The following RUVBL1 variants were observed in gnomAD, a reference collection of about 807,000 sequenced individuals.
RUVBL1 encodes the protein ruvB-like 1.
A neutral mutation model predicts 52.4 loss-of-function variants in RUVBL1; 4 were observed. The ratio of observed to expected loss-of-function variants is 0.08; its 90% CI spans 0.04 to 0.17. The LOEUF is 0.17. RUVBL1 is among the 10% of genes least tolerant of loss of function. The pLI is 1.00. For synonymous variants in RUVBL1, 217 were observed against 214.4 expected, an observed-to-expected ratio of 1.01 and a Z score of -0.10; for missense variants, 298 against 572.8, an observed-to-expected ratio of 0.52 and a Z score of 4.90.
intron 9 of RUVBL1, chr3:128,069,419 C>T (rs969228327): frequency 1.3e-5 from 20 of 1,541,826 alleles, no homozygotes; most frequent in Admixed American, 5.4e-5. Flanking sequence ...CTGTTGGCCG[C>T]CTGGCTCACG....
Position 128,136,642 on chromosome 3 carries a change from A to G in RUVBL1, c.-40+16561T>C, listed in dbSNP as rs1271933822. Among the ~76,000 whole-genome samples, 6 of 144,758 alleles carry G rather than the reference A, an allele frequency of 4.1e-5. No homozygotes were observed. In the Admixed American group the frequency reaches 4.2e-4, roughly 10 times the overall value. 95.0% of individuals were successfully genotyped at this position (144,758 alleles called of 152,430 possible). On this transcript the variant is annotated intron_variant, in intron 1 of 9. Transcript: ENST00000464873. Reference sequence around the variant, plus strand: ...CCCTGTCAAAAAAAAAAAAAAAAACAATGATCTATTGCCTATAAGAAACAT... The same window carrying G: ...CCCTGTCAAAAAAAAAAAAAAAAACGATGATCTATTGCCTATAAGAAACAT...
chr3:128,149,816 A>G (rs1193452703), intron 1 of RUVBL1, among the ~76,000 whole-genome samples: 1 of 152,154 alleles, frequency 6.6e-6, no homozygotes, highest in African/African-American at 2.4e-5. Flanking sequence ...AGCATTGGTG[A>G]GATTCTGTTT....
At chr3:128,115,364 A>C (rs1559825157) in intron 2 of RUVBL1, among the ~76,000 whole-genome samples, 2 of 152,214 alleles carry the variant, frequency 1.3e-5, no homozygotes, top group South Asian at 4.1e-4. Context: ...TCTCATCTGA[A>C]TATCTCCTTC....
At chr3:128,141,230 A>G (rs575859368) in intron 1 of RUVBL1, among the ~76,000 whole-genome samples, 180 of 152,344 alleles carry the variant, frequency 1.2e-3, no homozygotes, top group African/African-American at 4.1e-3. Context: ...GACATAAACC[A>G]AGGTTCGTCT....
chr3:128,145,482 T>G (rs944070304), intron 1 of RUVBL1, among the ~76,000 whole-genome samples: 6 of 152,176 alleles, frequency 3.9e-5, no homozygotes, highest in African/African-American at 1.4e-4. Context: ...AGGTAGCCAA[T>G]CCAGCCCCCA....
chr3:128,138,922 A>G (rs1160859521), intron 1 of RUVBL1, among the ~76,000 whole-genome samples: 1 of 152,182 alleles, frequency 6.6e-6, no homozygotes, highest in African/African-American at 2.4e-5. Context: ...CAATGAACTC[A>G]TTAGACAAAG....
At chr3:128,141,384 G>T (rs1944019111) in intron 1 of RUVBL1, among the ~76,000 whole-genome samples, 1 of 152,264 alleles carries the variant, frequency 6.6e-6, no homozygotes, top group Admixed American at 6.5e-5. Flanking sequence ...ACACTCACAG[G>T]ATTATTAAGA....
intron 8 of RUVBL1, among the ~76,000 whole-genome samples, chr3:128,093,568 A>G (rs1188765373): frequency 1.3e-5 from 2 of 151,848 alleles, no homozygotes; most frequent in African/African-American, 4.8e-5. Flanking sequence ...TTAAGTCTTG[A>G]TGTTTTGGTG....
At chr3:128,066,926 G>A (rs1941999292) in intron 9 of RUVBL1, 10 of 1,612,558 alleles carry the variant, frequency 6.2e-6, no homozygotes. Context: ...AGGCAGTGAA[G>A]GGGATTTGGT....
chr3:128,073,910 T>TA (rs1319064282), intron 9 of RUVBL1, among the ~76,000 whole-genome samples: 1 of 152,194 alleles, frequency 6.6e-6, no homozygotes, highest in East Asian at 1.9e-4. Context: ...AGGACATTCT[T>TA]TATATGTTGA....
intron 1 of RUVBL1, 21 bp from the exon 2 acceptor site, chr3:128,119,435 AAAT>A (rs2107715110): frequency 6.3e-7 from 1 of 1,582,064 alleles, no homozygotes; most frequent in South Asian, 1.1e-5. Flanking sequence ...CAATGGAAAG[AAAT>A]AATAAATCAA....
At chr3:128,092,475 A>T (rs1382437697) in intron 8 of RUVBL1, among the ~76,000 whole-genome samples, 1 of 152,122 alleles carries the variant, frequency 6.6e-6, no homozygotes, top group Admixed American at 6.6e-5. Context: ...TAGTATCCAG[A>T]ATATATAAAG....
At chr3:128,125,127 G>A (rs982676482), upstream of RUVBL1, among the ~76,000 whole-genome samples, 12 of 142,212 alleles carry the variant, frequency 8.4e-5, no homozygotes, top group African/African-American at 3.1e-4. Context: ...CCATTCTCCT[G>A]CCTCAGCCTC....
chr3:128,123,890 C>T (rs1177811472), upstream of RUVBL1: 3 of 1,264,646 alleles, frequency 2.4e-6, no homozygotes, highest in Non-Finnish European at 3.0e-6. Flanking sequence ...CATAGGCTCA[C>T]GGCTGCGCCC....
At position 128,096,751 on chromosome 3, in the gene RUVBL1, C is replaced by T. The variant is rs190117755; in HGVS notation, c.1016+549G>A. Among the ~76,000 whole-genome samples, 307 of 151,882 alleles carry T rather than the reference C, an allele frequency of 2.0e-3. 2 individuals are homozygous for T. Among genetic ancestry groups the T allele is most frequent in the African/African-American group, 6.7e-3 (276 of 41,408 alleles). On this transcript the variant is annotated intron_variant, in intron 8 of 10. Transcript: ENST00000322623. ...CTGAGGCAGGAGAATGGTGTGAACC[C>T]GGGAGGTGGAGCTTGCAGTGAGCCG...
intron 3 of RUVBL1, among the ~76,000 whole-genome samples, chr3:128,109,645 C>T (rs1448418831): frequency 6.6e-6 from 1 of 151,864 alleles, no homozygotes; most frequent in Non-Finnish European, 1.5e-5. Flanking sequence ...AGGCACACGT[C>T]ACCACACCCA....
intron 2 of RUVBL1, among the ~76,000 whole-genome samples, chr3:128,114,354 G>A (rs1943467085): frequency 6.6e-6 from 1 of 152,166 alleles, no homozygotes; most frequent in Admixed American, 6.5e-5. Flanking sequence ...TAGTTTTGAG[G>A]TAGTAAAATC....
chr3:128,095,640 C>T (rs1252330374), intron 8 of RUVBL1, among the ~76,000 whole-genome samples: 5 of 152,198 alleles, frequency 3.3e-5, no homozygotes, highest in African/African-American at 9.7e-5. Context: ...TGAAAGAAAC[C>T]GCCTGAGGGG....
At chr3:128,119,785 A>G (rs1028752655) in intron 1 of RUVBL1, among the ~76,000 whole-genome samples, 1 of 152,182 alleles carries the variant, frequency 6.6e-6, no homozygotes, top group Non-Finnish European at 1.5e-5. Context: ...GTTCCAGGCA[A>G]AGAAAACAGC....
Sources: gnomAD v4.1 joint callset for allele counts (sites outside exome capture counted in the v4.1 genomes callset) on GRCh38, gnomAD v4.1.1 for gene constraint, MANE v1.5 for transcripts, NCBI Gene and HGNC (gene_info 2026-07-23, HGNC 2026-07-21) for gene names.